The following SHANK1 variants were observed in gnomAD, a reference collection of about 807,000 sequenced individuals.
The protein encoded by SHANK1 is SH3 and multiple ankyrin repeat domains 1, also known as SH3 and multiple ankyrin repeat domains protein 1.
In SHANK1, 35 loss-of-function variants were observed where a neutral mutation model predicts 165.6. The ratio of observed to expected loss-of-function variants is 0.21; its 90% CI spans 0.16 to 0.28. The LOEUF (loss-of-function observed/expected upper bound fraction) is 0.28. SHANK1 is among the 10% of genes least tolerant of loss of function. The probability of loss-of-function intolerance (pLI) is 1.00; values close to 1 mark genes in which losing one functional copy is unlikely to be tolerated. For synonymous variants in SHANK1, 1,428 were observed against 1,384.8 expected (o/e 1.03, Z -0.69); for missense variants, 2,681 against 3,036.4 (o/e 0.88, Z 2.75).
rs73598667 is a variant in SHANK1 at position 50,715,228 on chromosome 19, C to T, written c.531+431G>A. Among the ~76,000 whole-genome samples, 1,072 of 151,804 alleles carry T rather than the reference C, an allele frequency of 7.1e-3. 10 individuals are homozygous for T. Among genetic ancestry groups the T allele is most frequent in the African/African-American group, 0.024 (985 of 41,370 alleles). ...AGGGGGGTGTAATGGTTGGATTTTG[C>T]AGAGATTCAGGCTATGAGGTTGGGA... is the stretch of plus-strand genomic sequence containing the variant. On this transcript the variant is annotated intron_variant, in intron 4 of 23. Transcript: ENST00000293441.
At chr19:50,684,849 A>T (rs1170835881) in intron 21 of SHANK1, among the ~76,000 whole-genome samples, 1 of 152,210 alleles carries the variant, frequency 6.6e-6, no homozygotes, top group African/African-American at 2.4e-5. Context: ...AATGTCTAAC[A>T]TGTTGACAAA....
rs1055722122 is a variant in SHANK1, at chr19:50,666,519, C to T, written c.5441G>A (p.Gly1814Asp). The T allele has an allele frequency of 2.5e-6, 4 of 1,583,982 alleles. No individual in the cohort carries two copies. Among genetic ancestry groups the T allele is most frequent in the African/African-American group, 2.7e-5 (2 of 74,606 alleles). ...GACTTCTGGCTCTACAGCCACCGGA[C>T]CCCCCGCCACGCCTGCCGTGGGGGG... ...SGPPTAGVAG[G>D]PVAVEPEVPP... The change falls in exon 23 of 24, where the codon GGT becomes GAT. Residue 1814 changes from glycine (G) to aspartate (D), a missense_variant. Physicochemically the swap from Gly to Asp is moderately conservative, Grantham distance 94 (BLOSUM62 -1). Around this residue, in one of 10 missense-constraint regions of SHANK1, gnomAD observed 1,713 missense variants for 1,630.2 expected, o/e 1.05. Coordinates refer to ENST00000293441, the MANE Select transcript of SHANK1 (RefSeq NM_016148.5).
At chr19:50,693,508 G>A (rs982216466) in intron 15 of SHANK1, among the ~76,000 whole-genome samples, 5 of 151,606 alleles carry the variant, frequency 3.3e-5, no homozygotes, top group Admixed American at 1.3e-4. Flanking sequence ...GGCCTCCAGA[G>A]CTCAGCAGCC....
chr19:50,704,273 C>A, intron 9 of SHANK1, 87 bp from the exon 10 acceptor site: 1 of 1,421,468 alleles, frequency 7.0e-7, no homozygotes, highest in Non-Finnish European at 9.9e-7. Flanking sequence ...CCTGGCCCGA[C>A]CCAAACCTTC....
rs779130708 is a variant in SHANK1 at position 50,666,420 on chromosome 19, G to T, written c.5540C>A (p.Pro1847Gln). Reference protein sequence around the residue: ...LLPWEEGPGPPPPPLPGPLAQ... With the variant: ...LLPWEEGPGPQPPPLPGPLAQ... ...CAAGGGCCCGGGCAGAGGTGGTGGC[G>T]GTGGGCCCGGGCCCTCCTCCCAGGG... Residue 1847 changes from proline to glutamine, a missense_variant, in exon 23 of 24, where the codon CCG becomes CAG. Around this residue, in one of 10 missense-constraint regions of SHANK1, gnomAD observed 1,713 missense variants for 1,630.2 expected, o/e 1.05. Transcript: ENST00000293441. 4 of 1,611,222 alleles carry T rather than the reference G, an allele frequency of 2.5e-6. No homozygotes were observed. In the African/African-American group the frequency reaches 4.0e-5, roughly 16 times the overall value.
Position 50,686,907 on chromosome 19 carries a change from TGGGCGTGGC to T in SHANK1, c.2390-104_2390-96del. 1 of 1,392,300 alleles carries T rather than the reference TGGGCGTGGC, an allele frequency of 7.2e-7. No individual in the cohort carries two copies. Among genetic ancestry groups the T allele is most frequent in the Non-Finnish European group, 9.6e-7 (1 of 1,041,418 alleles). 86.2% of individuals were successfully genotyped at this position (1,392,300 alleles called of 1,614,324 possible). Reference sequence around the variant, plus strand: ...GGCGTGGCCAGCAGGTGCGGGCCAGTGGGCGTGGCGGGCGCGAGAGGGGCAGTGAGGGGC... The same window carrying T: ...GGCGTGGCCAGCAGGTGCGGGCCAGTGGGCGCGAGAGGGGCAGTGAGGGGC... On this transcript the variant is annotated intron_variant, in intron 19 of 23. Transcript: ENST00000293441. This position sits in a 1 kb window ranked among gnomAD's most constrained non-coding sequence, Gnocchi z 5.7.
chr19:50,663,767 A>G (rs1322205058), intron 23 of SHANK1, among the ~76,000 whole-genome samples: 2 of 152,036 alleles, frequency 1.3e-5, no homozygotes, highest in Admixed American at 6.5e-5. Flanking sequence ...GAAAAGAAAA[A>G]AAAAATCCTC....
In SHANK1 at chr19:50,659,865, G is replaced by A. The variant is rs1239306527; in HGVS notation, c.*2100C>T. On this transcript the variant is annotated 3_prime_UTR_variant, in exon 24 of 24. Coordinates refer to ENST00000293441, the MANE Select transcript of SHANK1 (RefSeq NM_016148.5). Reference sequence around the variant, plus strand: ...ACGGGCGCCGCGCAGGCCCCCTGCGGACTGGGGGCATCCGACAAGGGGGAG... The same window carrying A: ...ACGGGCGCCGCGCAGGCCCCCTGCGAACTGGGGGCATCCGACAAGGGGGAG... 2.7e-5 allele frequency among the ~76,000 whole-genome samples: 4 copies of A among 148,726 alleles called. No individual in the cohort carries two copies. Among genetic ancestry groups the A allele is most frequent in the African/African-American group, 9.9e-5 (4 of 40,374 alleles).
At position 50,703,546 on chromosome 19, in the gene SHANK1, C is replaced by T; in HGVS notation, c.1507G>A (p.Gly503Arg). Residue 503 changes from glycine to arginine, a missense_variant, in exon 11 of 24, where the codon GGG (glycine) becomes AGG (arginine). By Grantham distance (125) the Gly-to-Arg change is moderately radical. This residue lies in a region of SHANK1 where 195 missense variants were observed against 186.2 expected (regional missense o/e 1.05). Transcript: ENST00000293441. ...CTCTTGGCGTCCTCAGGGTGCCTCC[C>T]TCGGGATGGAGAGCGGGCCCTGGCA... ...RGARARSPSRGRHPEDAKRQP... is the reference protein window; with the variant it reads ...RGARARSPSRRRHPEDAKRQP... The T allele has an allele frequency of 1.3e-6, 2 of 1,552,144 alleles. No homozygotes were observed. Among genetic ancestry groups the T allele is most frequent in the Non-Finnish European group, 1.7e-6 (2 of 1,154,168 alleles).
rs1370640771 is a variant in SHANK1, at chr19:50,667,958, G to A, written c.4002C>T (p.Pro1334=). ...GGSSAFTSFL[P]PRPLVHPLTG... ...TCAGCGGGTGCACCAGGGGTCGCGG[G>A]GGCAGGAAGCTGGTGAAGGCGCTGC... The change falls in exon 23 of 24, where the codon CCC becomes CCT. Residue 1334 remains proline (P), a synonymous_variant. Coordinates refer to ENST00000293441, the MANE Select transcript of SHANK1 (RefSeq NM_016148.5). This position sits in a 1 kb window ranked among gnomAD's most constrained non-coding sequence, Gnocchi z 5.7. 1 of 1,407,932 alleles carries A rather than the reference G, an allele frequency of 7.1e-7. No individual in the cohort carries two copies. 87.2% of individuals were successfully genotyped at this position (1,407,932 alleles called of 1,614,324 possible).
Position 50,684,379 on chromosome 19 carries a change from C to T in SHANK1, c.2577+1858G>A, listed in dbSNP as rs1284772873. On this transcript the variant is annotated intron_variant, in intron 21 of 23. Transcript: ENST00000293441. ...TAGCTGGGATTACAGGCACATGCCA[C>T]CACATCCGGCCAATTTTTGTATTTT... Among the ~76,000 whole-genome samples, 3 of 152,172 alleles carry T rather than the reference C, an allele frequency of 2.0e-5. No individual in the cohort carries two copies. The East Asian group carries it at 5.8e-4, about 29-fold the overall frequency.
chr19:50,719,555 C>A lies in SHANK1; in HGVS notation c.-193G>T. ...GGCCCGGGGAGGGGGCGGGCGGGGA[C>A]CGGGGGGGAGGGCGGGAGGGCCGAG... On this transcript the variant is annotated 5_prime_UTR_variant, in exon 1 of 24. Coordinates refer to ENST00000293441, the MANE Select transcript of SHANK1 (RefSeq NM_016148.5). 7.5e-6 allele frequency: 1 copy of A among 134,176 alleles called. No individual in the cohort carries two copies. The highest frequency in any genetic ancestry group is 2.7e-5 in the African/African-American group (1 of 36,528). 8.3% of individuals were successfully genotyped at this position (134,176 alleles called of 1,614,324 possible).
rs1985129230 is a variant in SHANK1 at position 50,659,967 on chromosome 19, T to C, written c.*1998A>G. On this transcript the variant is annotated 3_prime_UTR_variant, in exon 24 of 24. Transcript: ENST00000293441. ...CCCCTCCCACGACCCTCCCACGAGG[T>C]TCCCCGCAGATCCCTGACATGGTGA... is the stretch of plus-strand genomic sequence containing the variant. 6.8e-6 allele frequency among the ~76,000 whole-genome samples: 1 copy of C among 147,298 alleles called. No homozygotes were observed. The highest frequency in any genetic ancestry group is 1.5e-5 in the Non-Finnish European group (1 of 66,630).
intron 15 of SHANK1, among the ~76,000 whole-genome samples, chr19:50,691,097 C>G (rs1986524317): frequency 6.6e-6 from 1 of 152,084 alleles, no homozygotes; most frequent in Admixed American, 6.5e-5. Flanking sequence ...CACACCATAC[C>G]CGCCATGTCT....
At chr19:50,687,791 T>C (rs548476122) in intron 18 of SHANK1, 129 bp from the exon 19 acceptor site, 34 of 1,388,986 alleles carry the variant, frequency 2.4e-5, no homozygotes, top group Admixed American at 6.7e-5. Context: ...TGCCTCAGTT[T>C]CTCCCCACAA....
rs778014564 is a variant in SHANK1, at chr19:50,690,216, G to GT, written c.1965-938dup. 2.6e-5 allele frequency among the ~76,000 whole-genome samples: 4 copies of GT among 152,126 alleles called. No homozygotes were observed. The highest frequency in any genetic ancestry group is 5.9e-5 in the Non-Finnish European group (4 of 68,014). On this transcript the variant is annotated intron_variant, in intron 15 of 23. Transcript: ENST00000293441. This position sits in a 1 kb window ranked among gnomAD's most constrained non-coding sequence, Gnocchi z 4.9. ...AAATGCAAAGCACCCATGAATATGG[G>GT]TGGTAGTTTCCAGTAAAGCCATCAA...
At chr19:50,674,422 T>C (rs1985909609) in intron 21 of SHANK1, among the ~76,000 whole-genome samples, 1 of 152,176 alleles carries the variant, frequency 6.6e-6, no homozygotes, top group African/African-American at 2.4e-5. Flanking sequence ...CCTTACTTCC[T>C]GCACTTCCCA....
intron 21 of SHANK1, among the ~76,000 whole-genome samples, chr19:50,676,123 C>T (rs1483240729): frequency 6.8e-6 from 1 of 147,596 alleles, no homozygotes; most frequent in Non-Finnish European, 1.5e-5. Flanking sequence ...CATAGCAAGA[C>T]CCTGTCTCAC....
rs1443631794 is a variant in SHANK1, at chr19:50,660,932, G to C, written c.*1033C>G. Among the ~76,000 whole-genome samples the C allele has an allele frequency of 1.3e-5, 2 of 150,896 alleles. No homozygotes were observed. The highest frequency in any genetic ancestry group is 3.0e-5 in the Non-Finnish European group (2 of 67,764). On this transcript the variant is annotated 3_prime_UTR_variant, in exon 24 of 24. Transcript: ENST00000293441. ...AAGTGACGGTGCAAAAGGGGCAAGA[G>C]GGAAGGCGGGGGGTGGGGGGCTAGG...
Sources: allele counts gnomAD v4.1 joint callset (sites outside exome capture counted in the v4.1 genomes callset), GRCh38; gene constraint gnomAD v4.1.1; regional missense constraint gnomAD v4.1.1; non-coding constraint Gnocchi (gnomAD v3.1); transcripts MANE v1.5; gene names NCBI Gene and HGNC (gene_info 2026-07-23, HGNC 2026-07-21).